LVRN: variants seen among roughly 807,000 people sequenced by gnomAD.
LVRN encodes the protein aminopeptidase Q.
Under a neutral mutation model 111.4 loss-of-function variants are expected in LVRN, and 99 were observed. The observed-to-expected ratio is 0.89, with a 90% confidence interval of 0.76 to 1.05. The LOEUF is 1.05. LVRN is among the 50% of genes least tolerant of loss of function. The pLI is 0.00. For synonymous variants in LVRN, 488 were observed against 449.5 expected (o/e 1.09, Z -1.08); for missense variants, 1,414 against 1,206.8 (o/e 1.17, Z -2.54).
At chr5:115,987,778 G>A (rs181126331) in intron 3 of LVRN, 35 bp from the exon 4 acceptor site, 8 of 1,595,042 alleles carry the variant, frequency 5.0e-6, no homozygotes, top group Non-Finnish European at 6.8e-6. Flanking sequence ...ATCACTACTG[G>A]TTTTCCTAAT....
intron 15 of LVRN, among the ~76,000 whole-genome samples, chr5:116,013,029 T>C (rs1580398309): frequency 6.6e-6 from 1 of 152,006 alleles, no homozygotes; most frequent in South Asian, 2.1e-4. Context: ...AGAGGCAAAA[T>C]GGGGTGGTAG....
intron 1 of LVRN, among the ~76,000 whole-genome samples, chr5:115,963,854 C>T (rs1753145469): frequency 6.6e-6 from 1 of 152,166 alleles, no homozygotes; most frequent in Non-Finnish European, 1.5e-5. Flanking sequence ...TATTGCTGCC[C>T]CTTTTTAGGT....
intron 18 of LVRN, chr5:116,022,124 C>T: frequency 3.4e-6 from 1 of 297,112 alleles, no homozygotes; most frequent in Non-Finnish European, 6.2e-6. Flanking sequence ...TTCCAACTAC[C>T]TCATTTTAAA....
At chr5:116,007,029 A>G (rs938644502) in intron 13 of LVRN, among the ~76,000 whole-genome samples, 2 of 152,110 alleles carry the variant, frequency 1.3e-5, no homozygotes, top group Non-Finnish European at 2.9e-5. Context: ...ACCAAGTCCT[A>G]TCTCTTCATT....
chr5:115,992,547 T>C (rs1748020249), intron 5 of LVRN, among the ~76,000 whole-genome samples: 1 of 152,198 alleles, frequency 6.6e-6, no homozygotes, highest in South Asian at 2.1e-4. Context: ...AAAGTCCTCT[T>C]CAGGAAAAGT....
At chr5:116,015,910 C>G (rs1401507968) in intron 18 of LVRN, 145 bp downstream of exon 18, 3 of 1,013,570 alleles carry the variant, frequency 3.0e-6, no homozygotes, top group East Asian at 5.5e-5. Flanking sequence ...ATCATTTTTC[C>G]TTTGTTTAGT....
chr5:115,987,256 A>G (rs935000884), intron 3 of LVRN, among the ~76,000 whole-genome samples: 2 of 152,202 alleles, frequency 1.3e-5, no homozygotes, highest in South Asian at 4.1e-4. Flanking sequence ...ACTTGCTTTG[A>G]CAGTTTTAAA....
chr5:116,003,122 G>T, intron 11 of LVRN, 119 bp from the exon 12 acceptor site: 2 of 1,029,626 alleles, frequency 1.9e-6, no homozygotes, highest in South Asian at 1.7e-5. Flanking sequence ...ATATATTTTA[G>T]AATTCCTTTA....
intron 6 of LVRN, 78 bp downstream of exon 6, chr5:115,993,932 T>A: frequency 2.5e-6 from 2 of 802,896 alleles, no homozygotes; most frequent in Non-Finnish European, 3.7e-6. Context: ...TGAAAATGTA[T>A]AAAATACAAG....
chr5:115,980,206 T>C (rs1753534199), intron 1 of LVRN, among the ~76,000 whole-genome samples: 1 of 152,020 alleles, frequency 6.6e-6, no homozygotes, highest in Admixed American at 6.6e-5. Context: ...TGGTGGATGG[T>C]TCTATTTTCT....
At chr5:116,018,523 GT>G (rs1748646933) in intron 18 of LVRN, among the ~76,000 whole-genome samples, 1 of 151,684 alleles carries the variant, frequency 6.6e-6, no homozygotes, top group South Asian at 2.1e-4. Flanking sequence ...AAATACAAAA[GT>G]AGCCAGGCAT....
Position 115,984,686 on chromosome 5 carries a change from A to T in LVRN, c.955A>T (p.Asn319Tyr). The change falls in exon 3 of 20, where the codon AAC becomes TAC. Residue 319 changes from asparagine to tyrosine, a missense_variant. Asn to Tyr is a moderately radical substitution (Grantham distance 143). Transcript: ENST00000357872. ...AFVICDYDHV[N>Y]RTERGKEIRI... ...TGTTATATGTGACTATGACCACGTC[A>T]ACAGAACAGAAAGGGGCAAGGAGGT... The T allele has an allele frequency of 1.2e-6, 2 of 1,613,648 alleles. No homozygotes were observed. The highest frequency in any genetic ancestry group is 1.7e-6 in the Non-Finnish European group (2 of 1,179,712).
chr5:115,988,022 C>A (rs1285079154), intron 4 of LVRN, 83 bp downstream of exon 4: 20 of 1,505,684 alleles, frequency 1.3e-5, no homozygotes, highest in Non-Finnish European at 1.8e-5. Context: ...ACAGACAAAC[C>A]CATAAGGATT....
chr5:115,967,615 T>A (rs1388229664), intron 1 of LVRN, among the ~76,000 whole-genome samples: 1 of 152,142 alleles, frequency 6.6e-6, no homozygotes, highest in Non-Finnish European at 1.5e-5. Flanking sequence ...TTTATGATAT[T>A]CTTATATATA....
chr5:116,010,568 A>G, intron 13 of LVRN, 173 bp from the exon 14 acceptor site: 1 of 709,070 alleles, frequency 1.4e-6, no homozygotes. Context: ...AGGACTGTCA[A>G]CTTTGCTTGG....
At chr5:115,999,094 C>A (rs1349283087) in intron 6 of LVRN, among the ~76,000 whole-genome samples, 1 of 152,160 alleles carries the variant, frequency 6.6e-6, no homozygotes, top group Non-Finnish European at 1.5e-5. Context: ...CTCCACTGGT[C>A]TTTGCTCTAG....
In LVRN at chr5:116,005,959, C is replaced by T; in HGVS notation, c.2085C>T (p.Ser695=). ...HRLQLIDDAF[S]LSKNNYIEIE... is the part of the protein sequence containing the mutation. Reference sequence around the variant, plus strand: ...TGCAGTTGATTGATGATGCCTTTTCCTTGTCTAAGTGAGTATATTTTCTTC... The same window carrying T: ...TGCAGTTGATTGATGATGCCTTTTCTTTGTCTAAGTGAGTATATTTTCTTC... The change falls in exon 13 of 20, where the codon TCC becomes TCT. Residue 695 remains serine, a synonymous_variant. Transcript: ENST00000357872. The T allele has an allele frequency of 6.3e-7, 1 of 1,591,942 alleles. No homozygotes were observed. Among genetic ancestry groups the T allele is most frequent in the East Asian group, 2.2e-5 (1 of 44,674 alleles).
chr5:115,983,241 G>A (rs1178270914), intron 1 of LVRN, 46 bp from the exon 2 acceptor site: 5 of 1,480,242 alleles, frequency 3.4e-6, no homozygotes, highest in Non-Finnish European at 3.6e-6. Flanking sequence ...TTATTCCACT[G>A]GGTTGAAATA....
At chr5:115,966,125 C>G (rs955911993) in intron 1 of LVRN, among the ~76,000 whole-genome samples, 1 of 152,136 alleles carries the variant, frequency 6.6e-6, no homozygotes, top group African/African-American at 2.4e-5. Context: ...TGTCATTTAT[C>G]ATATGCGTAC....
Sources: gnomAD v4.1 joint callset for allele counts (sites outside exome capture counted in the v4.1 genomes callset) on GRCh38, gnomAD v4.1.1 for gene constraint, MANE v1.5 for transcripts, NCBI Gene and HGNC (gene_info 2026-07-23, HGNC 2026-07-21) for gene names.